Variants in SV2C observed in about 807,000 individuals in gnomAD.
SV2C encodes solute carrier family 22 member B3.
SV2C carries 49 observed loss-of-function variants against 79.7 expected under a neutral mutation model. The observed-to-expected ratio is 0.61, with a 90% CI of 0.49 to 0.78. The LOEUF (loss-of-function observed/expected upper bound fraction) is 0.78, where lower values mean the gene tolerates loss of function less well. Ranked by LOEUF, SV2C falls within the 30% of genes least tolerant of loss-of-function variation. The pLI, the probability that SV2C is intolerant of heterozygous loss-of-function variation, is 0.00. For missense variants in SV2C, 833 were observed against 912.9 expected (o/e 0.91, Z 1.13); for synonymous variants, 334 against 333.2 (o/e 1.00, Z -0.03).
intron 2 of SV2C, among the ~76,000 whole-genome samples, chr5:76,146,327 T>G (rs1265498181): frequency 1.3e-5 from 2 of 152,264 alleles, no homozygotes; most frequent in African/African-American, 4.8e-5. Context: ...GAATAGCTAC[T>G]CCATGGACCA....
the SV2C span, among the ~76,000 whole-genome samples, chr5:76,012,589 T>C: frequency 6.6e-6 from 1 of 152,250 alleles, no homozygotes; most frequent in African/African-American, 2.4e-5. Context: ...TCTTTTGCTG[T>C]GCAGAAGCTC....
chr5:76,195,717 A>G (rs1744252510), intron 3 of SV2C, among the ~76,000 whole-genome samples: 1 of 152,216 alleles, frequency 6.6e-6, no homozygotes, highest in Admixed American at 6.5e-5. Context: ...TAAGCATAGA[A>G]AAACCTAATA....
At chr5:76,056,398 A>G in the SV2C span, among the ~76,000 whole-genome samples, 3 of 152,058 alleles carry the variant, frequency 2.0e-5, no homozygotes, top group Non-Finnish European at 4.4e-5. Context: ...ATTTGTCAGT[A>G]TTTTATTGAG....
chr5:76,124,924 A>T (rs977893203), intron 1 of SV2C, among the ~76,000 whole-genome samples: 1 of 152,190 alleles, frequency 6.6e-6, no homozygotes, highest in African/African-American at 2.4e-5. Context: ...TCAAAGAAGG[A>T]TAGTGCCCAC....
At chr5:76,082,643 CCCT>C (rs1747033677), upstream of SV2C, among the ~76,000 whole-genome samples, 2 of 142,792 alleles carry the variant, frequency 1.4e-5, no homozygotes, top group South Asian at 2.5e-4. Context: ...CACCCCCCCC[CCCT>C]CATATTTGGT....
intron 2 of SV2C, among the ~76,000 whole-genome samples, chr5:76,148,648 C>G (rs1749508800): frequency 6.6e-6 from 1 of 152,112 alleles, no homozygotes; most frequent in African/African-American, 2.4e-5. Context: ...GAGTCAGAGT[C>G]TCACTATCTT....
chr5:76,082,706 G>A (rs1747036180), upstream of SV2C, among the ~76,000 whole-genome samples: 1 of 145,844 alleles, frequency 6.9e-6, no homozygotes, highest in African/African-American at 2.6e-5. Context: ...GAGCCCAGCT[G>A]TCTGGCCCTA....
chr5:76,064,086 T>C, the SV2C span, among the ~76,000 whole-genome samples: 1 of 152,174 alleles, frequency 6.6e-6, no homozygotes, highest in African/African-American at 2.4e-5. Context: ...GCAGCCTAAA[T>C]ATAAGACTAT....
At chr5:76,188,681 CT>C (rs754981314) in intron 2 of SV2C, among the ~76,000 whole-genome samples, 1 of 152,054 alleles carries the variant, frequency 6.6e-6, no homozygotes, top group Non-Finnish European at 1.5e-5. Context: ...AAGTACTGAG[CT>C]TGAGATTTCA....
the SV2C span, among the ~76,000 whole-genome samples, chr5:75,934,762 A>C: frequency 6.6e-6 from 1 of 152,178 alleles, no homozygotes; most frequent in Non-Finnish European, 1.5e-5. Context: ...GTGGGGGTAC[A>C]TGATCACTGT....
the SV2C span, among the ~76,000 whole-genome samples, chr5:76,068,228 T>C: frequency 2.6e-5 from 4 of 152,192 alleles, no homozygotes; most frequent in Non-Finnish European, 5.9e-5. Flanking sequence ...TGTATTTCCT[T>C]ATACCTAGAT....
rs564207028 is a variant in SV2C, at chr5:76,299,472, G to A, written c.1636+545G>A. The stretch of plus-strand genomic sequence containing the variant: ...AGTTTTCACAGTAGCTGAGGCTTAG[G>A]AAAGTTAAGTAATTTGTCCACAATT... On this transcript the variant is annotated intron_variant, in intron 10 of 12. Coordinates refer to ENST00000502798, the MANE Select transcript of SV2C (RefSeq NM_014979.4). 2.0e-5 allele frequency among the ~76,000 whole-genome samples: 3 copies of A among 152,316 alleles called. No homozygotes were observed. The East Asian group carries it at 5.8e-4, about 29-fold the overall frequency.
At chr5:76,303,219 A>G (rs1414536704) in intron 12 of SV2C, among the ~76,000 whole-genome samples, 1 of 152,166 alleles carries the variant, frequency 6.6e-6, no homozygotes, top group African/African-American at 2.4e-5. Flanking sequence ...TTTGTACGGC[A>G]TCTCCTTCAT....
chr5:76,105,250 A>G (rs1747870320), intron 1 of SV2C, among the ~76,000 whole-genome samples: 2 of 152,166 alleles, frequency 1.3e-5, no homozygotes, highest in African/African-American at 4.8e-5. Context: ...CAGAGGGAGC[A>G]TTGCCCTGCC....
chr5:76,235,874 A>G (rs1745594844), intron 4 of SV2C, among the ~76,000 whole-genome samples: 1 of 152,166 alleles, frequency 6.6e-6, no homozygotes, highest in Non-Finnish European at 1.5e-5. Flanking sequence ...ATTGATTAAA[A>G]TAGAGAACAG....
chr5:76,205,684 A>G (rs979871788), intron 3 of SV2C, among the ~76,000 whole-genome samples: 2 of 152,252 alleles, frequency 1.3e-5, no homozygotes, highest in African/African-American at 4.8e-5. Flanking sequence ...GTTGCCCATC[A>G]GTTAATGTAA....
intron 9 of SV2C, 43 bp from the exon 10 acceptor site, chr5:76,298,751 A>G: frequency 6.2e-7 from 1 of 1,602,056 alleles, no homozygotes. Flanking sequence ...ACTTTGATGG[A>G]CACAGTCATT....
At chr5:75,882,205 T>G in the SV2C span, among the ~76,000 whole-genome samples, 1 of 151,620 alleles carries the variant, frequency 6.6e-6, no homozygotes, top group Non-Finnish European at 1.5e-5. Flanking sequence ...TTTGCCAGTA[T>G]TTTATTGAGG....
chr5:76,271,616 C>CTTTT (rs34458409), intron 4 of SV2C, among the ~76,000 whole-genome samples: 12 of 96,062 alleles, frequency 1.2e-4, no homozygotes, highest in Non-Finnish European at 1.4e-4. Context: ...AGCATGTGTT[C>CTTTT]TTTTTTTTTT....
Sources: allele counts gnomAD v4.1 joint callset (sites outside exome capture counted in the v4.1 genomes callset), GRCh38; gene constraint gnomAD v4.1.1; transcripts MANE v1.5; gene names NCBI Gene and HGNC (gene_info 2026-07-23, HGNC 2026-07-21).